Variants in SLC35F1 observed in about 807,000 individuals in gnomAD.
SLC35F1 encodes the protein chromosome 6 open reading frame 169.
Under a neutral mutation model 48.7 loss-of-function variants are expected in SLC35F1, and 14 were observed. The ratio of observed to expected loss-of-function variants is 0.29; its 90% CI spans 0.19 to 0.45. The LOEUF is 0.45. SLC35F1 is among the 20% of genes least tolerant of loss of function. The pLI, the probability that SLC35F1 is intolerant of heterozygous loss-of-function variation, is 1.00. For synonymous variants in SLC35F1, 190 were observed against 202.2 expected, an observed-to-expected ratio of 0.94 and a Z score of 0.51; for missense variants, 404 against 500.0, an observed-to-expected ratio of 0.81 and a Z score of 1.83.
intron 7 of SLC35F1, among the ~76,000 whole-genome samples, chr6:118,291,989 G>A (rs1314581506): frequency 3.9e-5 from 6 of 152,002 alleles, no homozygotes; most frequent in African/African-American, 1.5e-4. Flanking sequence ...ATGGTGGCAG[G>A]GGCCTGTAAT....
intron 2 of SLC35F1, among the ~76,000 whole-genome samples, chr6:118,166,316 C>T (rs1774317189): frequency 6.6e-6 from 1 of 152,074 alleles, no homozygotes; most frequent in Non-Finnish European, 1.5e-5. Context: ...GTTGCTCAGC[C>T]ATTGCTGAGC....
chr6:117,963,978 A>G (rs1404900809), intron 1 of SLC35F1, among the ~76,000 whole-genome samples: 2 of 151,884 alleles, frequency 1.3e-5, no homozygotes, highest in African/African-American at 4.8e-5. Flanking sequence ...TTCCCTCTGT[A>G]CCCCTGACAG....
chr6:118,293,352 C>T (rs1312858699), intron 7 of SLC35F1, among the ~76,000 whole-genome samples: 3 of 152,202 alleles, frequency 2.0e-5, no homozygotes, highest in Non-Finnish European at 4.4e-5. Flanking sequence ...TAGAGGCCAC[C>T]TGTATTTCTT....
intron 1 of SLC35F1, among the ~76,000 whole-genome samples, chr6:118,070,163 A>AAAAAG (rs1554226037): frequency 6.6e-6 from 1 of 151,040 alleles, no homozygotes; most frequent in East Asian, 2.0e-4. Flanking sequence ...AAAAAAAAAA[A>AAAAAG]GAATGTTCAT....
chr6:118,107,581 C>A (rs1212546964), intron 1 of SLC35F1, among the ~76,000 whole-genome samples: 1 of 151,902 alleles, frequency 6.6e-6, no homozygotes, highest in Non-Finnish European at 1.5e-5. Flanking sequence ...TTCCCTGGGA[C>A]AATATTTTAG....
intron 1 of SLC35F1, among the ~76,000 whole-genome samples, chr6:118,070,976 A>G (rs191186291): frequency 7.1e-6 from 1 of 141,306 alleles, no homozygotes; most frequent in African/African-American, 2.6e-5. Flanking sequence ...ATATACACAT[A>G]GTATATATAT....
intron 1 of SLC35F1, among the ~76,000 whole-genome samples, chr6:118,142,758 A>G (rs1162373191): frequency 6.6e-6 from 1 of 152,196 alleles, no homozygotes; most frequent in Non-Finnish European, 1.5e-5. Flanking sequence ...CTTTTAAGGC[A>G]GTCTGTCAAA....
At chr6:118,187,993 A>C (rs1332878378) in intron 2 of SLC35F1, among the ~76,000 whole-genome samples, 1 of 152,236 alleles carries the variant, frequency 6.6e-6, no homozygotes, top group Non-Finnish European at 1.5e-5. Flanking sequence ...CAAAGAACTT[A>C]ATACTGAATG....
intron 1 of SLC35F1, among the ~76,000 whole-genome samples, chr6:118,144,501 G>T (rs190097466): frequency 6.6e-6 from 1 of 151,116 alleles, no homozygotes; most frequent in African/African-American, 2.4e-5. Context: ...ATACCTAGGT[G>T]ATAGGTTGAT....
intron 2 of SLC35F1, among the ~76,000 whole-genome samples, chr6:118,164,024 C>A (rs1419322645): frequency 6.6e-6 from 1 of 152,184 alleles, no homozygotes; most frequent in Non-Finnish European, 1.5e-5. Flanking sequence ...TAATAATTAT[C>A]TCTGGATCAT....
intron 1 of SLC35F1, among the ~76,000 whole-genome samples, chr6:118,104,658 G>A (rs1285649014): frequency 6.6e-6 from 1 of 152,110 alleles, no homozygotes; most frequent in Non-Finnish European, 1.5e-5. Flanking sequence ...AGTAAATAAA[G>A]GACTGATACA....
chr6:117,970,162 T>A (rs1238518177), intron 1 of SLC35F1, among the ~76,000 whole-genome samples: 1 of 152,220 alleles, frequency 6.6e-6, no homozygotes, highest in African/African-American at 2.4e-5. Context: ...GATGATGTAT[T>A]CATCATGCCA....
chr6:118,072,560 C>T (rs1012716631), intron 1 of SLC35F1, among the ~76,000 whole-genome samples: 1 of 151,516 alleles, frequency 6.6e-6, no homozygotes, highest in Non-Finnish European at 1.5e-5. Context: ...TGAGATTCTG[C>T]CTCAAAAAAA....
intron 1 of SLC35F1, among the ~76,000 whole-genome samples, chr6:118,141,738 C>G (rs1773893003): frequency 6.6e-6 from 1 of 152,140 alleles, no homozygotes; most frequent in Admixed American, 6.5e-5. Flanking sequence ...GGTAGGATTT[C>G]AACATATGAA....
Position 118,154,386 on chromosome 6 carries a change from T to C in SLC35F1, c.174-59T>C, listed in dbSNP as rs1774108572. The C allele has an allele frequency of 3.3e-6, 5 of 1,494,530 alleles. No individual in the cohort carries two copies. The African/African-American group carries it at 4.2e-5, about 13-fold the overall frequency. 92.6% of individuals were successfully genotyped at this position (1,494,530 alleles called of 1,614,324 possible). On this transcript the variant is annotated intron_variant, in intron 1 of 7. Coordinates refer to ENST00000360388, the MANE Select transcript of SLC35F1 (RefSeq NM_001029858.4). ...CCAGTGCTCAAAAAGTTTTAATTGCTATTGTTTTAATGGGCTTCCTGCTGA... is the reference window on the plus strand; with the variant it reads ...CCAGTGCTCAAAAAGTTTTAATTGCCATTGTTTTAATGGGCTTCCTGCTGA...
chr6:118,287,346 G>C (rs1776063859), intron 7 of SLC35F1, among the ~76,000 whole-genome samples: 1 of 152,172 alleles, frequency 6.6e-6, no homozygotes, highest in African/African-American at 2.4e-5. Flanking sequence ...TGTGAACTCA[G>C]TTCTTAGCAA....
chr6:118,310,250 G>A lies in SLC35F1; in HGVS notation c.1003-3778G>A, dbSNP rs73518563. 9.2e-3 allele frequency among the ~76,000 whole-genome samples: 1,400 copies of A among 152,298 alleles called. 26 individuals are homozygous for A. The highest frequency in any genetic ancestry group is 0.032 in the African/African-American group (1,336 of 41,556). On this transcript the variant is annotated intron_variant, in intron 7 of 7. Coordinates refer to ENST00000360388, the MANE Select transcript of SLC35F1 (RefSeq NM_001029858.4). ...CCTTCTGCCTGAGCTTCCCTTACCT[G>A]TAACTCAGAGACAGCTTTCAGTCCT...
intron 1 of SLC35F1, among the ~76,000 whole-genome samples, chr6:118,000,581 G>T (rs1236610688): frequency 1.3e-5 from 2 of 152,110 alleles, no homozygotes; most frequent in East Asian, 3.9e-4. Flanking sequence ...TCAACATAGT[G>T]TTGGAAGTTC....
At chr6:118,214,977 T>G (rs1775053213) in intron 2 of SLC35F1, among the ~76,000 whole-genome samples, 1 of 152,200 alleles carries the variant, frequency 6.6e-6, no homozygotes, top group Non-Finnish European at 1.5e-5. Context: ...AGGCACTGCC[T>G]AGGTTTTATT....
Sources: allele counts gnomAD v4.1 joint callset (sites outside exome capture counted in the v4.1 genomes callset), GRCh38; gene constraint gnomAD v4.1.1; transcripts MANE v1.5; gene names NCBI Gene and HGNC (gene_info 2026-07-23, HGNC 2026-07-21).